Variants in RNF130 observed in about 807,000 individuals in gnomAD.
The protein encoded by RNF130 is ring finger protein 130, also known as E3 ubiquitin-protein ligase RNF130.
Under a neutral mutation model 44.6 loss-of-function variants are expected in RNF130, and 21 were observed. The observed-to-expected ratio is 0.47, with a 90% CI of 0.33 to 0.68. RNF130 has a LOEUF of 0.68. RNF130 is among the 30% of genes least tolerant of loss of function. The pLI, the probability that RNF130 is intolerant of heterozygous loss-of-function variation, is 0.02. For synonymous variants in RNF130, 214 were observed against 210.4 expected, an observed-to-expected ratio of 1.02 and a Z score of -0.15; for missense variants, 479 against 560.6, an observed-to-expected ratio of 0.85 and a Z score of 1.47.
At chr5:180,035,190 CT>C (rs1323171089) in intron 2 of RNF130, among the ~76,000 whole-genome samples, 1 of 152,166 alleles carries the variant, frequency 6.6e-6, no homozygotes, top group Non-Finnish European at 1.5e-5. Flanking sequence ...CATCTAAGTA[CT>C]GCTTTCCCAG....
At chr5:180,034,807 A>C in intron 2 of RNF130, among the ~76,000 whole-genome samples, 1 of 152,158 alleles carries the variant, frequency 6.6e-6, no homozygotes, top group South Asian at 2.1e-4. Context: ...GAGTCACTGA[A>C]CCTGTGGATG....
intron 3 of RNF130, among the ~76,000 whole-genome samples, chr5:180,010,608 C>A (rs1275012157): frequency 6.6e-6 from 1 of 152,162 alleles, no homozygotes; most frequent in Non-Finnish European, 1.5e-5. Context: ...GATCCACCTG[C>A]CTTGGCTTCC....
chr5:180,010,129 C>T (rs1173018475), intron 3 of RNF130, among the ~76,000 whole-genome samples: 1 of 151,342 alleles, frequency 6.6e-6, no homozygotes, highest in African/African-American at 2.4e-5. Flanking sequence ...CACCTGTAGT[C>T]CCAGCTACTC....
intron 1 of RNF130, among the ~76,000 whole-genome samples, chr5:180,066,449 T>C (rs1391563596): frequency 6.6e-6 from 1 of 152,126 alleles, no homozygotes; most frequent in African/African-American, 2.4e-5. Flanking sequence ...TAATATACCT[T>C]CCCAATATGA....
intron 2 of RNF130, among the ~76,000 whole-genome samples, chr5:180,025,310 AG>A (rs1214303738): frequency 6.6e-6 from 1 of 152,232 alleles, no homozygotes; most frequent in Non-Finnish European, 1.5e-5. Context: ...AAACCCATGT[AG>A]ATCCTTTATA....
chr5:180,033,590 T>A (rs1419916110), intron 2 of RNF130, among the ~76,000 whole-genome samples: 2 of 151,990 alleles, frequency 1.3e-5, no homozygotes, highest in Non-Finnish European at 2.9e-5. Context: ...CTCGGGAGTC[T>A]GAGGCAGGAG....
chr5:179,925,113 A>G (rs941315490), intron 7 of RNF130, among the ~76,000 whole-genome samples: 2 of 152,226 alleles, frequency 1.3e-5, no homozygotes, highest in African/African-American at 4.8e-5. Context: ...CCACAGTGGT[A>G]TCTTTCATAT....
chr5:179,968,527 G>A (rs1186742990), intron 6 of RNF130, among the ~76,000 whole-genome samples: 2 of 150,384 alleles, frequency 1.3e-5, no homozygotes, highest in Non-Finnish European at 3.0e-5. Context: ...TTAGCCAGGT[G>A]TGGTGGCAGG....
At chr5:179,989,694 T>C (rs1013181110) in intron 3 of RNF130, among the ~76,000 whole-genome samples, 4 of 152,176 alleles carry the variant, frequency 2.6e-5, no homozygotes, top group Non-Finnish European at 4.4e-5. Context: ...GCTGTATCTT[T>C]TAAGCGGAGC....
chr5:179,946,942 G>A (rs987649141), intron 7 of RNF130, among the ~76,000 whole-genome samples: 3 of 152,048 alleles, frequency 2.0e-5, no homozygotes, highest in African/African-American at 4.8e-5. Flanking sequence ...CCTAGCTCCC[G>A]TTATTTCTAC....
chr5:180,004,418 A>C (rs2113066296), intron 3 of RNF130, among the ~76,000 whole-genome samples: 1 of 152,326 alleles, frequency 6.6e-6, no homozygotes, highest in South Asian at 2.1e-4. Flanking sequence ...AAGCCCCAGA[A>C]AGAGATGAGG....
chr5:179,919,025 G>A (rs771981680), exon 8 of RNF130: 3 of 152,302 alleles, frequency 2.0e-5, no homozygotes, highest in Non-Finnish European at 4.4e-5. Flanking sequence ...CCCTGGGCAT[G>A]TGGAGACTGG....
chr5:180,007,305 G>A (rs534259596), intron 3 of RNF130, among the ~76,000 whole-genome samples: 2 of 152,308 alleles, frequency 1.3e-5, no homozygotes, highest in African/African-American at 4.8e-5. Context: ...TGAGGCTGAG[G>A]CAGGAGAATT....
intron 7 of RNF130, chr5:179,939,715 C>A: frequency 2.3e-6 from 1 of 440,098 alleles, no homozygotes; most frequent in Non-Finnish European, 4.5e-6. Flanking sequence ...AATCCACTTC[C>A]AAAAGACGGA....
intron 1 of RNF130, among the ~76,000 whole-genome samples, chr5:180,063,700 G>A (rs1765038032): frequency 6.6e-6 from 1 of 152,170 alleles, no homozygotes; most frequent in South Asian, 2.1e-4. Flanking sequence ...ACACTGTTAA[G>A]TGCCCATTTG....
At chr5:180,003,240 G>A (rs913582308) in intron 3 of RNF130, among the ~76,000 whole-genome samples, 1 of 152,124 alleles carries the variant, frequency 6.6e-6, no homozygotes, top group African/African-American at 2.4e-5. Context: ...TTGAGGAGAG[G>A]TGCCCCCAGA....
chr5:180,048,292 C>A (rs1272313432), intron 1 of RNF130, among the ~76,000 whole-genome samples: 1 of 152,078 alleles, frequency 6.6e-6, no homozygotes, highest in Non-Finnish European at 1.5e-5. Flanking sequence ...AGTCTGTAGT[C>A]CGGTTTACGG....
intron 1 of RNF130, among the ~76,000 whole-genome samples, chr5:180,054,665 CTTAATT>C: frequency 6.6e-6 from 1 of 152,290 alleles, no homozygotes; most frequent in Middle Eastern, 3.4e-3. Flanking sequence ...TGTGAATTCT[CTTAATT>C]TTATTATTTG....
chr5:180,059,896 T>A (rs1480015180), intron 1 of RNF130, among the ~76,000 whole-genome samples: 2 of 152,108 alleles, frequency 1.3e-5, no homozygotes, highest in African/African-American at 4.8e-5. Context: ...TACATCAGGT[T>A]ACAGAGCAAG....
Sources: allele counts gnomAD v4.1 joint callset (sites outside exome capture counted in the v4.1 genomes callset), GRCh38; gene constraint gnomAD v4.1.1; transcripts MANE v1.5; gene names NCBI Gene and HGNC (gene_info 2026-07-23, HGNC 2026-07-21).